NEGR1: variants seen among roughly 807,000 people sequenced by gnomAD.
NEGR1 encodes the protein neuronal growth regulator 1, also known as IgLON family member 4.
In NEGR1, 10 loss-of-function variants were observed where a neutral mutation model predicts 40.9. The observed-to-expected ratio is 0.24, with a 90% confidence interval of 0.15 to 0.42. The LOEUF is 0.42. Ranked by LOEUF, NEGR1 falls within the 10% of genes least tolerant of loss-of-function variation. The pLI is 1.00. For synonymous variants in NEGR1, 185 were observed against 166.8 expected, an observed-to-expected ratio of 1.11 and a Z score of -0.84; for missense variants, 352 against 438.9, an observed-to-expected ratio of 0.80 and a Z score of 1.77.
At chr1:71,741,895 AG>A (rs1655224579) in intron 3 of NEGR1, among the ~76,000 whole-genome samples, 1 of 152,168 alleles carries the variant, frequency 6.6e-6, no homozygotes, top group South Asian at 2.1e-4. Context: ...AGATCTCATG[AG>A]AAGTCACTCA....
chr1:71,472,744 T>C (rs1385568355), intron 6 of NEGR1: 5 of 152,132 alleles, frequency 3.3e-5, no homozygotes, highest in African/African-American at 9.7e-5. Context: ...AGTATGTTTA[T>C]ATTCTCTCAG....
rs573043825 is a variant in NEGR1, at chr1:71,756,550, T to C, written c.535+19622A>G. On this transcript the variant is annotated intron_variant, in intron 3 of 6. Transcript: ENST00000357731. ...TCATGTCACAAAAGGAAAAATAGAA[T>C]ATACTTCCATGAAATACCCAGTTGT... Among the ~76,000 whole-genome samples the C allele has an allele frequency of 1.6e-4, 24 of 152,186 alleles. 1 individual carries two copies. In the South Asian group the frequency reaches 4.4e-3, roughly 28 times the overall value.
At chr1:71,561,966 A>G (rs2101481603) in intron 6 of NEGR1, among the ~76,000 whole-genome samples, 1 of 145,742 alleles carries the variant, frequency 6.9e-6, no homozygotes, top group Non-Finnish European at 1.5e-5. Context: ...GAGTCACCAT[A>G]CTTTTGGCTC....
chr1:72,173,168 G>A (rs1448131355), intron 1 of NEGR1, among the ~76,000 whole-genome samples: 3 of 150,390 alleles, frequency 2.0e-5, no homozygotes, highest in African/African-American at 7.3e-5. Context: ...CAGCACACCT[G>A]GCTAATTTTT....
chr1:72,179,094 AT>A (rs545109094), intron 1 of NEGR1, among the ~76,000 whole-genome samples: 53 of 152,120 alleles, frequency 3.5e-4, no homozygotes, highest in Middle Eastern at 3.4e-3. Context: ...GATGTCCAGA[AT>A]GGTATTTCCT....
intron 6 of NEGR1, among the ~76,000 whole-genome samples, chr1:71,583,490 C>A (rs1287931636): frequency 6.6e-6 from 1 of 152,152 alleles, no homozygotes; most frequent in Non-Finnish European, 1.5e-5. Flanking sequence ...TCAATTTATC[C>A]TTTTCCAGCA....
At chr1:72,134,099 C>A (rs1650357113) in intron 1 of NEGR1, among the ~76,000 whole-genome samples, 1 of 152,124 alleles carries the variant, frequency 6.6e-6, no homozygotes, top group Non-Finnish European at 1.5e-5. Flanking sequence ...GTTAATTCAT[C>A]ACCTATTCCT....
rs185437277 is a variant in NEGR1, at chr1:71,804,475, C to T, written c.410-28178G>A. On this transcript the variant is annotated intron_variant, in intron 2 of 6. Transcript: ENST00000357731. Reference sequence around the variant, plus strand: ...CAGTGTTGTGGGAAGTCAGGGACCCCGAATGGAGGAACTGGCTGAAGCCAT... The same window carrying T: ...CAGTGTTGTGGGAAGTCAGGGACCCTGAATGGAGGAACTGGCTGAAGCCAT... 2.5e-3 allele frequency among the ~76,000 whole-genome samples: 382 copies of T among 152,250 alleles called. 3 individuals are homozygous for T. Among genetic ancestry groups the T allele is most frequent in the African/African-American group, 7.8e-3 (323 of 41,542 alleles).
At chr1:72,258,537 T>C (rs890213531) in intron 1 of NEGR1, among the ~76,000 whole-genome samples, 2 of 152,086 alleles carry the variant, frequency 1.3e-5, no homozygotes, top group Admixed American at 6.6e-5. Flanking sequence ...AAGAAATACA[T>C]TATACATAAA....
chr1:71,767,796 C>G (rs1022709681), intron 3 of NEGR1, among the ~76,000 whole-genome samples: 1 of 152,216 alleles, frequency 6.6e-6, no homozygotes, highest in Non-Finnish European at 1.5e-5. Context: ...GTGGGCCAGG[C>G]CCAGGGCCGA....
intron 2 of NEGR1, 138 bp from the exon 3 acceptor site, chr1:71,776,435 A>G: frequency 2.5e-6 from 1 of 408,040 alleles, no homozygotes; most frequent in Non-Finnish European, 4.2e-6. Flanking sequence ...CACCTGAAAG[A>G]TGGATTCTCT....
At chr1:71,658,220 C>T (rs549233219) in intron 4 of NEGR1, among the ~76,000 whole-genome samples, 2 of 152,258 alleles carry the variant, frequency 1.3e-5, no homozygotes, top group African/African-American at 4.8e-5. Context: ...CCAAAATACT[C>T]AGCATAGTGT....
intron 3 of NEGR1, among the ~76,000 whole-genome samples, chr1:71,727,824 T>A (rs1654722225): frequency 6.6e-6 from 1 of 152,114 alleles, no homozygotes; most frequent in Admixed American, 6.6e-5. Context: ...CAGTCCTTAA[T>A]CTGCTAAAGT....
intron 6 of NEGR1, among the ~76,000 whole-genome samples, chr1:71,509,894 C>T (rs1436722709): frequency 2.6e-5 from 4 of 152,152 alleles, no homozygotes; most frequent in Non-Finnish European, 4.4e-5. Context: ...AGCCAAATGG[C>T]TTGGGAAACA....
intron 6 of NEGR1, among the ~76,000 whole-genome samples, chr1:71,584,954 T>C (rs1372871666): frequency 6.6e-6 from 1 of 152,114 alleles, no homozygotes; most frequent in Non-Finnish European, 1.5e-5. Context: ...TTCTAGTGCC[T>C]TTTTCATAGG....
At chr1:71,871,032 G>A (rs985662690) in intron 2 of NEGR1, among the ~76,000 whole-genome samples, 2 of 152,184 alleles carry the variant, frequency 1.3e-5, no homozygotes, top group African/African-American at 4.8e-5. Context: ...AAGCCTAATG[G>A]AAGTTAAATT....
rs115354926 is a variant in NEGR1, at chr1:71,979,936, T to C, written c.177-44625A>G. 3.3e-3 allele frequency among the ~76,000 whole-genome samples: 495 copies of C among 152,210 alleles called. 5 individuals are homozygous for C. The highest frequency in any genetic ancestry group is 0.011 in the African/African-American group (458 of 41,548). ...TCTAATGTCAAGGGTGCCTGCCCAA[T>C]AGTGGATAAAACATTATAGTGATAG... On this transcript the variant is annotated intron_variant, in intron 1 of 6. Coordinates refer to ENST00000357731, the MANE Select transcript of NEGR1 (RefSeq NM_173808.3).
intron 6 of NEGR1, among the ~76,000 whole-genome samples, chr1:71,525,008 C>T (rs899586139): frequency 2.0e-5 from 3 of 151,660 alleles, no homozygotes; most frequent in African/African-American, 7.3e-5. Flanking sequence ...TCAGGGAGAC[C>T]CATTTTGGAC....
chr1:71,432,246 A>G (rs530989897), intron 6 of NEGR1, among the ~76,000 whole-genome samples: 16 of 152,354 alleles, frequency 1.1e-4, no homozygotes, highest in South Asian at 2.1e-4. Flanking sequence ...AAGAATCCAT[A>G]GCAATAGTTC....
Sources: gnomAD v4.1 joint callset for allele counts (sites outside exome capture counted in the v4.1 genomes callset) on GRCh38, gnomAD v4.1.1 for gene constraint, MANE v1.5 for transcripts, NCBI Gene and HGNC (gene_info 2026-07-23, HGNC 2026-07-21) for gene names.